ADGRG7: variants seen among roughly 807,000 people sequenced by gnomAD.
The protein encoded by ADGRG7 is adhesion G protein-coupled receptor G7.
In ADGRG7, 82 loss-of-function variants were observed where a neutral mutation model predicts 88.6. That is an observed-to-expected ratio of 0.93 (90% CI 0.77 to 1.11). The LOEUF is 1.11. Ranked by LOEUF, ADGRG7 falls within the 50% of genes most tolerant of loss-of-function variation. The probability of loss-of-function intolerance (pLI) is 0.00; values close to 1 mark genes in which losing one functional copy is unlikely to be tolerated. For missense variants in ADGRG7, 945 were observed against 953.4 expected (o/e 0.99, Z 0.12); for synonymous variants, 381 against 345.2 (o/e 1.10, Z -1.15).
At chr3:100,619,275 A>G (rs1006626037) in intron 1 of ADGRG7, among the ~76,000 whole-genome samples, 24 of 152,202 alleles carry the variant, frequency 1.6e-4, no homozygotes, top group Non-Finnish European at 3.1e-4. Context: ...GCTCAACTAC[A>G]TGGAAACTGA....
At chr3:100,659,143 C>G (rs894399611) in intron 13 of ADGRG7, among the ~76,000 whole-genome samples, 1 of 152,018 alleles carries the variant, frequency 6.6e-6, no homozygotes, top group Non-Finnish European at 1.5e-5. Context: ...TTAAAAAATG[C>G]CCATCAAGGC....
At chr3:100,624,212 C>A (rs574192403) in intron 1 of ADGRG7, among the ~76,000 whole-genome samples, 1 of 152,286 alleles carries the variant, frequency 6.6e-6, no homozygotes, top group South Asian at 2.1e-4. Context: ...TGTTTCTTAA[C>A]TCTTTAATAA....
At chr3:100,618,632 G>T (rs1362423472) in intron 1 of ADGRG7, among the ~76,000 whole-genome samples, 2 of 152,158 alleles carry the variant, frequency 1.3e-5, no homozygotes, top group Admixed American at 1.3e-4. Flanking sequence ...TTGTAGTATA[G>T]TTTGAAGTCA....
At chr3:100,665,206 G>A (rs2094950225) in intron 14 of ADGRG7, 3 of 539,924 alleles carry the variant, frequency 5.6e-6, no homozygotes, top group Middle Eastern at 3.3e-4. Flanking sequence ...CAACAGGACT[G>A]GAGAAAATAA....
chr3:100,674,676 C>T (rs2094962723), intron 15 of ADGRG7, among the ~76,000 whole-genome samples: 1 of 151,494 alleles, frequency 6.6e-6, no homozygotes, highest in African/African-American at 2.4e-5. Context: ...CTCCCAGGTT[C>T]AAGCAATTCT....
At chr3:100,682,777 G>A (rs539391895) in intron 15 of ADGRG7, among the ~76,000 whole-genome samples, 2 of 152,352 alleles carry the variant, frequency 1.3e-5, no homozygotes, top group South Asian at 4.1e-4. Flanking sequence ...CACTGAGCCA[G>A]CGGGAACCGG....
intron 14 of ADGRG7, among the ~76,000 whole-genome samples, chr3:100,662,644 T>A (rs1278695940): frequency 6.6e-6 from 1 of 152,092 alleles, no homozygotes; most frequent in African/African-American, 2.4e-5. Flanking sequence ...CATTAGATGC[T>A]ATGCAGAACT....
rs570072462 is a variant in ADGRG7 at position 100,689,723 on chromosome 3, A to G, written c.2137-5021A>G. 1.4e-4 allele frequency among the ~76,000 whole-genome samples: 22 copies of G among 152,342 alleles called. 1 individual carries two copies. The South Asian group carries it at 2.9e-3, about 20-fold the overall frequency. On this transcript the variant is annotated intron_variant, in intron 15 of 15. Transcript: ENST00000273352. ...TGGCCCCCACTCTCTTCTGGCTTGCAGAGTTTCTGCCGAGAGATGTGCTGT... is the reference window on the plus strand; with the variant it reads ...TGGCCCCCACTCTCTTCTGGCTTGCGGAGTTTCTGCCGAGAGATGTGCTGT...
Position 100,694,761 on chromosome 3 carries a change from C to T in ADGRG7, c.2154C>T (p.Ile718=), listed in dbSNP as rs1576344344. The T allele has an allele frequency of 6.2e-7, 1 of 1,613,952 alleles. No homozygotes were observed. Among genetic ancestry groups the T allele is most frequent in the Non-Finnish European group, 8.5e-7 (1 of 1,179,858 alleles). Residue 718 remains isoleucine (I), a synonymous_variant, in exon 16 of 16, where the codon ATC becomes ATT. Transcript: ENST00000273352. ...ATCTGCAGGGATTGCAAATTTTTATCCTGTACACTGTTAGAACAAAAGTCT... is the reference window on the plus strand; with the variant it reads ...ATCTGCAGGGATTGCAAATTTTTATTCTGTACACTGTTAGAACAAAAGTCT... ...FNTTQGLQIF[I]LYTVRTKVFQ...
At chr3:100,625,390 C>T (rs1018992353) in intron 1 of ADGRG7, among the ~76,000 whole-genome samples, 1 of 152,178 alleles carries the variant, frequency 6.6e-6, no homozygotes. Context: ...GATTTTGTAT[C>T]CTGAGACTTA....
intron 6 of ADGRG7, among the ~76,000 whole-genome samples, chr3:100,640,272 G>A (rs545499560): frequency 2.8e-4 from 43 of 152,298 alleles, no homozygotes; most frequent in African/African-American, 8.9e-4. Flanking sequence ...ACAGACATCA[G>A]GCCTTAGTCA....
intron 15 of ADGRG7, among the ~76,000 whole-genome samples, chr3:100,686,913 G>A (rs1414805594): frequency 6.6e-6 from 1 of 152,184 alleles, no homozygotes; most frequent in African/African-American, 2.4e-5. Context: ...CCAATTCTGT[G>A]AAGAAAGTCA....
chr3:100,618,727 TA>T (rs1707262442), intron 1 of ADGRG7, among the ~76,000 whole-genome samples: 1 of 152,176 alleles, frequency 6.6e-6, no homozygotes, highest in Middle Eastern at 3.2e-3. Context: ...GTATGAACTT[TA>T]AAGTAGTTTT....
chr3:100,613,040 C>T lies in ADGRG7; in HGVS notation c.115+3069C>T, dbSNP rs569077079. On this transcript the variant is annotated intron_variant, in intron 1 of 15. Coordinates refer to ENST00000273352, the MANE Select transcript of ADGRG7 (RefSeq NM_032787.3). ...GAGTAGCTGGGACTACAGGCACTCACCACCACGCCTGGCTATTTTGTGTAT... is the reference window on the plus strand; with the variant it reads ...GAGTAGCTGGGACTACAGGCACTCATCACCACGCCTGGCTATTTTGTGTAT... Among the ~76,000 whole-genome samples, 15 of 152,270 alleles carry T rather than the reference C, an allele frequency of 9.9e-5. No homozygotes were observed. The South Asian group carries it at 3.1e-3, about 32-fold the overall frequency.
intron 1 of ADGRG7, among the ~76,000 whole-genome samples, chr3:100,610,337 A>T (rs1707129610): frequency 6.6e-6 from 1 of 152,224 alleles, no homozygotes; most frequent in Non-Finnish European, 1.5e-5. Flanking sequence ...ACACACATGC[A>T]TCAAACACAT....
intron 15 of ADGRG7, among the ~76,000 whole-genome samples, chr3:100,678,893 C>A (rs577453881): frequency 1.3e-5 from 2 of 152,200 alleles, no homozygotes; most frequent in African/African-American, 2.4e-5. Context: ...ACTGGGACTG[C>A]GCTGGGTCAG....
In ADGRG7 at chr3:100,613,538, TAA is replaced by T. The variant is rs35056308; in HGVS notation, c.115+3579_115+3580del. ...TTCCTCACATAACCACCCCCTAAAT[TAA>T]AAAAAAAAAAAGTCTATTAAAGGGA... On this transcript the variant is annotated intron_variant, in intron 1 of 15. Transcript: ENST00000273352. Among the ~76,000 whole-genome samples, 302 of 147,176 alleles carry T rather than the reference TAA, an allele frequency of 2.1e-3. 1 individual carries two copies. Among genetic ancestry groups the T allele is most frequent in the South Asian group, 0.016 (75 of 4,676 alleles).
intron 14 of ADGRG7, among the ~76,000 whole-genome samples, chr3:100,661,015 C>T (rs1345703238): frequency 6.6e-6 from 1 of 152,020 alleles, no homozygotes; most frequent in Non-Finnish European, 1.5e-5. Flanking sequence ...CCACTCTAAG[C>T]TGACATTCCC....
At chr3:100,690,628 G>A (rs187846875) in intron 15 of ADGRG7, among the ~76,000 whole-genome samples, 89 of 152,264 alleles carry the variant, frequency 5.8e-4, no homozygotes, top group Middle Eastern at 3.4e-3. Context: ...TTTGCTGGAG[G>A]TCCACTCCAG....
Sources: allele counts gnomAD v4.1 joint callset (sites outside exome capture counted in the v4.1 genomes callset), GRCh38; gene constraint gnomAD v4.1.1; transcripts MANE v1.5; gene names NCBI Gene and HGNC (gene_info 2026-07-23, HGNC 2026-07-21).